The following MACROD2 variants were observed in gnomAD, a reference collection of about 807,000 sequenced individuals.
MACROD2 encodes mono-ADP ribosylhydrolase 2.
In MACROD2, 36 loss-of-function variants were observed where a neutral mutation model predicts 70.4. The observed-to-expected ratio is 0.51, with a 90% CI of 0.39 to 0.68. MACROD2 has a LOEUF of 0.68. Among genes scored for constraint, MACROD2 ranks in the 30% least tolerant of loss-of-function variants. The probability of loss-of-function intolerance (pLI) is 0.00; values close to 1 mark genes in which losing one functional copy is unlikely to be tolerated. For missense variants in MACROD2, 496 were observed against 538.4 expected, an observed-to-expected ratio of 0.92 and a Z score of 0.78; for synonymous variants, 172 against 178.8, an observed-to-expected ratio of 0.96 and a Z score of 0.30.
intron 6 of MACROD2, among the ~76,000 whole-genome samples, chr20:15,330,958 G>A (rs6079758): frequency 0.28 from 42,324 of 151,414 alleles, 7,187 homozygotes; most frequent in Non-Finnish European, 0.39. Context: ...AAGCCTCTAC[G>A]TGCACTGCTG....
chr20:14,055,446 T>C (rs2053620954), intron 2 of MACROD2, among the ~76,000 whole-genome samples: 1 of 151,356 alleles, frequency 6.6e-6, no homozygotes, highest in Non-Finnish European at 1.5e-5. Context: ...TTTATTGCTC[T>C]TCCATTAGTT....
intron 10 of MACROD2, among the ~76,000 whole-genome samples, chr20:15,916,332 G>A (rs890515233): frequency 6.6e-6 from 1 of 152,188 alleles, no homozygotes; most frequent in Non-Finnish European, 1.5e-5. Flanking sequence ...AAGGCACGGG[G>A]GAGAGGGAGA....
At chr20:14,447,473 G>A (rs748306092) in intron 3 of MACROD2, among the ~76,000 whole-genome samples, 1 of 152,118 alleles carries the variant, frequency 6.6e-6, no homozygotes, top group Non-Finnish European at 1.5e-5. Context: ...CCATGGCAAG[G>A]GAGGGAAGTA....
intron 16 of MACROD2, among the ~76,000 whole-genome samples, chr20:16,041,826 A>G (rs1241464543): frequency 6.6e-6 from 1 of 152,040 alleles, no homozygotes; most frequent in Non-Finnish European, 1.5e-5. Context: ...GTAGGCATCT[A>G]AAGAGTCTGA....
chr20:14,814,206 G>T (rs951245897), intron 5 of MACROD2, among the ~76,000 whole-genome samples: 1 of 152,022 alleles, frequency 6.6e-6, no homozygotes, highest in Non-Finnish European at 1.5e-5. Flanking sequence ...GTGCTGTTTC[G>T]TGTCTCTCTT....
chr20:15,413,555 G>A (rs1460156265), intron 6 of MACROD2, among the ~76,000 whole-genome samples: 1 of 152,152 alleles, frequency 6.6e-6, no homozygotes, highest in Non-Finnish European at 1.5e-5. Context: ...AACTACACAA[G>A]GGAGAAAAGT....
At chr20:14,398,406 A>ATT (rs71190136) in intron 3 of MACROD2, among the ~76,000 whole-genome samples, 2,963 of 142,552 alleles carry the variant, frequency 0.021, 44 homozygotes, top group Non-Finnish European at 0.033. Context: ...CCTTGCCAGC[A>ATT]TTTTTTTTTT....
chr20:14,325,507 C>A, intron 3 of MACROD2: 2 of 1,551,702 alleles, frequency 1.3e-6, no homozygotes, highest in Non-Finnish European at 1.7e-6. Context: ...CCATCACCTC[C>A]CTTAGGTTTA....
rs140221105 is a variant in MACROD2 at position 15,742,969 on chromosome 20, T to C, written c.646-119776T>C. Among the ~76,000 whole-genome samples, 571 of 152,352 alleles carry C rather than the reference T, an allele frequency of 3.7e-3. 6 individuals are homozygous for C. Among genetic ancestry groups the C allele is most frequent in the African/African-American group, 0.013 (527 of 41,578 alleles). On this transcript the variant is annotated intron_variant, in intron 8 of 17. Transcript: ENST00000684519. ...CTTATTAAGTGCCTTGTCAGGTCAA[T>C]TGTATTTGTCTGATATCTTCAATCT...
intron 4 of MACROD2, among the ~76,000 whole-genome samples, chr20:14,576,794 T>C (rs1024052907): frequency 2.0e-5 from 3 of 152,236 alleles, no homozygotes; most frequent in Non-Finnish European, 4.4e-5. Context: ...AAAGGAATTT[T>C]ATTTTCAGGG....
chr20:15,566,299 C>CA (rs150682575), intron 8 of MACROD2, among the ~76,000 whole-genome samples: 2,379 of 152,144 alleles, frequency 0.016, 63 homozygotes, highest in African/African-American at 0.054. Context: ...GCCTGGCCAA[C>CA]ATGGCGAAAC....
chr20:14,507,491 C>G (rs777671024), intron 4 of MACROD2, among the ~76,000 whole-genome samples: 2 of 152,022 alleles, frequency 1.3e-5, no homozygotes, highest in African/African-American at 2.4e-5. Flanking sequence ...ATGTTACTGA[C>G]CTGTACTATT....
At position 14,065,574 on chromosome 20, in the gene MACROD2, C is replaced by T. The variant is rs144023245; in HGVS notation, c.164-20047C>T. On this transcript the variant is annotated intron_variant, in intron 2 of 17. Coordinates refer to ENST00000684519, the MANE Select transcript of MACROD2 (RefSeq NM_001351661.2). Reference sequence around the variant, plus strand: ...TAATAATTCTCCTCCTGCCAGTTGACGTTTATTGTGCTTTTACTATGTCTA... The same window carrying T: ...TAATAATTCTCCTCCTGCCAGTTGATGTTTATTGTGCTTTTACTATGTCTA... 7.2e-5 allele frequency among the ~76,000 whole-genome samples: 11 copies of T among 152,272 alleles called. No individual in the cohort carries two copies. In the East Asian group the frequency reaches 1.3e-3, roughly 19 times the overall value.
chr20:14,909,030 A>T (rs1421699085), intron 5 of MACROD2, among the ~76,000 whole-genome samples: 1 of 152,190 alleles, frequency 6.6e-6, no homozygotes, highest in African/African-American at 2.4e-5. Context: ...GTCAAAAGAG[A>T]TGTCAAAAAT....
At chr20:14,063,540 GCCA>G (rs1340990833) in intron 2 of MACROD2, among the ~76,000 whole-genome samples, 1 of 152,098 alleles carries the variant, frequency 6.6e-6, no homozygotes, top group Non-Finnish European at 1.5e-5. Context: ...GTGATGTGAC[GCCA>G]CAAGTAAAAA....
At chr20:14,725,748 G>C (rs78073960) in intron 5 of MACROD2, among the ~76,000 whole-genome samples, 1 of 152,082 alleles carries the variant, frequency 6.6e-6, no homozygotes, top group Non-Finnish European at 1.5e-5. Flanking sequence ...CAGAGTAGCC[G>C]CCCCAGAGGG....
rs2074907955 is a variant in MACROD2 at position 14,991,926 on chromosome 20, ACT to A, written c.419-238010_419-238009del. 2.0e-5 allele frequency among the ~76,000 whole-genome samples: 3 copies of A among 151,792 alleles called. No individual in the cohort carries two copies. The South Asian group carries it at 6.3e-4, about 32-fold the overall frequency. ...CATTCACCTATCATCCATCCATCCA[ACT>A]CTCCATCCATCCATCCATCCATCCA... On this transcript the variant is annotated intron_variant, in intron 5 of 17. Coordinates refer to ENST00000684519, the MANE Select transcript of MACROD2 (RefSeq NM_001351661.2).
chr20:14,046,706 A>T (rs1267643739), intron 2 of MACROD2, among the ~76,000 whole-genome samples: 1 of 147,122 alleles, frequency 6.8e-6, no homozygotes, highest in Non-Finnish European at 1.5e-5. Flanking sequence ...TTTACTCCCA[A>T]GCATTCTCTT....
chr20:14,074,632 T>C (rs1392341968), intron 2 of MACROD2, among the ~76,000 whole-genome samples: 1 of 152,152 alleles, frequency 6.6e-6, no homozygotes. Flanking sequence ...TCCAGAATCC[T>C]GAGATGGAAA....
Sources: allele counts gnomAD v4.1 joint callset (sites outside exome capture counted in the v4.1 genomes callset), GRCh38; gene constraint gnomAD v4.1.1; transcripts MANE v1.5; gene names NCBI Gene and HGNC (gene_info 2026-07-23, HGNC 2026-07-21).